The following OPN3 variants were observed in gnomAD, a reference collection of about 807,000 sequenced individuals.
OPN3 encodes opsin 3.
A neutral mutation model predicts 33.8 loss-of-function variants in OPN3; 29 were observed. The ratio of observed to expected loss-of-function variants is 0.86; its 90% CI spans 0.64 to 1.17. OPN3 has a LOEUF of 1.17. Ranked by LOEUF, OPN3 falls within the 50% of genes most tolerant of loss-of-function variation. The pLI is 0.00. For missense variants in OPN3, 437 were observed against 514.1 expected (o/e 0.85, Z 1.45); for synonymous variants, 216 against 216.1 (o/e 1.00, Z 0.00).
intron 1 of OPN3, among the ~76,000 whole-genome samples, chr1:241,626,964 T>C (rs637280): frequency 0.063 from 9,625 of 152,252 alleles, 571 homozygotes; most frequent in African/African-American, 0.15. Flanking sequence ...ATCTTCCTGC[T>C]ACACTTTGTC....
chr1:241,597,693 C>T (rs1396396990), intron 3 of OPN3, 53 bp downstream of exon 3: 1 of 1,572,364 alleles, frequency 6.4e-7, no homozygotes, highest in Admixed American at 1.8e-5. Context: ...ATTACACTGT[C>T]ATTTCCAACT....
chr1:241,628,335 C>T (rs1197771968), intron 1 of OPN3, among the ~76,000 whole-genome samples: 1 of 152,126 alleles, frequency 6.6e-6, no homozygotes, highest in Non-Finnish European at 1.5e-5. Context: ...ATTTTTGTAT[C>T]TCTAATTTCC....
chr1:241,617,295 C>T (rs896837992), intron 1 of OPN3, among the ~76,000 whole-genome samples: 1 of 152,198 alleles, frequency 6.6e-6, no homozygotes, highest in African/African-American at 2.4e-5. Context: ...TGTTTCTCAG[C>T]AATGGCGAAG....
intron 1 of OPN3, among the ~76,000 whole-genome samples, chr1:241,605,448 G>A (rs373498042): frequency 1.2e-4 from 18 of 152,284 alleles, no homozygotes; most frequent in South Asian, 6.2e-4. Context: ...TGGTCTTCAC[G>A]TGTACCGCTA....
At chr1:241,631,043 T>C (rs1044447716) in intron 1 of OPN3, 2 of 152,064 alleles carry the variant, frequency 1.3e-5, no homozygotes, top group Admixed American at 1.3e-4. Context: ...CTGTCCTTCA[T>C]GATACATGGA....
At chr1:241,604,131 G>C in intron 2 of OPN3, 129 bp downstream of exon 2, 1 of 749,490 alleles carries the variant, frequency 1.3e-6, no homozygotes, top group African/African-American at 1.8e-5. Flanking sequence ...AACCAGATGG[G>C]AAGTCCCCTA....
intron 1 of OPN3, among the ~76,000 whole-genome samples, chr1:241,619,076 C>G (rs955080936): frequency 1.3e-5 from 2 of 151,722 alleles, no homozygotes; most frequent in South Asian, 2.1e-4. Flanking sequence ...TGTGTGAAAC[C>G]CTTCATTCTT....
chr1:241,627,305 C>T (rs912187872), intron 1 of OPN3, among the ~76,000 whole-genome samples: 3 of 35,244 alleles, frequency 8.5e-5, no homozygotes, highest in African/African-American at 1.9e-4. Flanking sequence ...CCAGAAGCCA[C>T]CACTTTTTAA....
At chr1:241,624,582 G>A (rs1386663995) in intron 1 of OPN3, among the ~76,000 whole-genome samples, 3 of 152,210 alleles carry the variant, frequency 2.0e-5, no homozygotes, top group South Asian at 2.1e-4. Flanking sequence ...AATGGCTTGA[G>A]CGTTCCAGTA....
intron 1 of OPN3, among the ~76,000 whole-genome samples, chr1:241,613,053 C>T (rs905207220): frequency 3.9e-5 from 6 of 152,204 alleles, no homozygotes; most frequent in Admixed American, 1.3e-4. Context: ...AAAACCAGTA[C>T]ATTTAATATG....
At chr1:241,600,541 G>A (rs1663652350) in intron 2 of OPN3, 1 of 152,160 alleles carries the variant, frequency 6.6e-6, no homozygotes, top group African/African-American at 2.4e-5. Flanking sequence ...TAAATGGCTG[G>A]TGCCTAGTGC....
chr1:241,633,633 C>G (rs1350322846), intron 1 of OPN3: 10 of 728,024 alleles, frequency 1.4e-5, no homozygotes, highest in Non-Finnish European at 2.2e-5. Context: ...GATAGGTTAA[C>G]AAAGATATTC....
intron 2 of OPN3, 46 bp downstream of exon 2, chr1:241,604,214 C>A: frequency 6.4e-7 from 1 of 1,550,908 alleles, no homozygotes; most frequent in Middle Eastern, 1.7e-4. Flanking sequence ...AAATTTTCTA[C>A]CCTGGATGTG....
At chr1:241,630,736 C>A (rs1664598682) in intron 1 of OPN3, 4 of 151,992 alleles carry the variant, frequency 2.6e-5, no homozygotes, top group African/African-American at 9.7e-5. Flanking sequence ...TTAACAGACT[C>A]CGAGAAGTCT....
At chr1:241,610,627 C>T (rs1663964408) in intron 1 of OPN3, among the ~76,000 whole-genome samples, 1 of 152,174 alleles carries the variant, frequency 6.6e-6, no homozygotes, top group African/African-American at 2.4e-5. Context: ...ATGTCATACA[C>T]ATACTGTGTG....
chr1:241,605,255 C>T (rs1182648637), intron 1 of OPN3, among the ~76,000 whole-genome samples: 2 of 151,962 alleles, frequency 1.3e-5, no homozygotes, highest in East Asian at 3.9e-4. Flanking sequence ...CTTCTCTTGG[C>T]TGTCTCTGAC....
rs377428663 is a variant in OPN3 at position 241,624,086 on chromosome 1, T to C, written c.373+15796A>G. Among the ~76,000 whole-genome samples, 117 of 142,412 alleles carry C rather than the reference T, an allele frequency of 8.2e-4. 3 individuals carry two copies. The South Asian group carries it at 0.026, about 32-fold the overall frequency. The allele number at this position is 142,412 out of a possible 152,430, so 93.4% of individuals were successfully genotyped here. On this transcript the variant is annotated intron_variant, in intron 1 of 3. Coordinates refer to ENST00000366554, the MANE Select transcript of OPN3 (RefSeq NM_014322.3). ...GCCAGGCACTCTATGCTCCAGGCAC[T>C]GTGGACCCTCTTCCACCTGTCCTGC...
chr1:241,613,418 T>C (rs983316366), intron 1 of OPN3, among the ~76,000 whole-genome samples: 2 of 152,216 alleles, frequency 1.3e-5, no homozygotes, highest in African/African-American at 2.4e-5. Context: ...GCTTCCAAAG[T>C]CCATGCTGTG....
At chr1:241,638,104 GTCTCGGAA>G (rs1486038975) in intron 1 of OPN3, among the ~76,000 whole-genome samples, 10 of 152,180 alleles carry the variant, frequency 6.6e-5, no homozygotes, top group Admixed American at 5.2e-4. Flanking sequence ...CAGGGCTTAA[GTCTCGGAA>G]TCTCTTATCT....
Sources: allele counts gnomAD v4.1 joint callset (sites outside exome capture counted in the v4.1 genomes callset), GRCh38; gene constraint gnomAD v4.1.1; transcripts MANE v1.5; gene names NCBI Gene and HGNC (gene_info 2026-07-23, HGNC 2026-07-21).